RSRC1: variants seen among roughly 807,000 people sequenced by gnomAD.
RSRC1 encodes the protein arginine and serine rich coiled-coil 1.
Under a neutral mutation model 49.1 loss-of-function variants are expected in RSRC1, and 39 were observed. The observed-to-expected ratio is 0.79, with a 90% CI of 0.61 to 1.04. The LOEUF (loss-of-function observed/expected upper bound fraction) is 1.04. RSRC1 is among the 50% of genes least tolerant of loss of function. The pLI, the probability that RSRC1 is intolerant of heterozygous loss-of-function variation, is 0.00. For synonymous variants in RSRC1, 143 were observed against 130.8 expected (o/e 1.09, Z -0.63); for missense variants, 388 against 402.4 (o/e 0.96, Z 0.31).
chr3:158,461,553 T>C (rs1327065986), intron 7 of RSRC1, among the ~76,000 whole-genome samples: 1 of 151,970 alleles, frequency 6.6e-6, no homozygotes, highest in Non-Finnish European at 1.5e-5. Flanking sequence ...AATTTTTATT[T>C]TCCCCTTAAT....
At chr3:158,189,552 A>T (rs1269971258) in intron 3 of RSRC1, among the ~76,000 whole-genome samples, 1 of 151,892 alleles carries the variant, frequency 6.6e-6, no homozygotes, top group African/African-American at 2.4e-5. Flanking sequence ...ACTTTATCTG[A>T]CATTGGTATG....
chr3:158,381,264 A>T (rs1290884279), intron 6 of RSRC1, among the ~76,000 whole-genome samples: 3 of 146,976 alleles, frequency 2.0e-5, no homozygotes, highest in African/African-American at 8.3e-5. Context: ...ATTAACTGTT[A>T]TACATACTGT....
At chr3:158,439,462 C>T (rs1560043292) in intron 6 of RSRC1, among the ~76,000 whole-genome samples, 1 of 152,104 alleles carries the variant, frequency 6.6e-6, no homozygotes, top group African/African-American at 2.4e-5. Context: ...GGCACATATA[C>T]ACCATGGAAT....
chr3:158,359,438 T>G (rs1731349523), intron 6 of RSRC1, among the ~76,000 whole-genome samples: 1 of 152,202 alleles, frequency 6.6e-6, no homozygotes, highest in Non-Finnish European at 1.5e-5. Flanking sequence ...TAGATGATTC[T>G]TTGGTGTTAT....
At chr3:158,296,342 A>T (rs1294323811) in intron 4 of RSRC1, among the ~76,000 whole-genome samples, 2 of 152,026 alleles carry the variant, frequency 1.3e-5, no homozygotes, top group Non-Finnish European at 2.9e-5. Flanking sequence ...ACATACACAC[A>T]TACACACACA....
At chr3:158,258,167 A>AT (rs1724676853) in intron 4 of RSRC1, among the ~76,000 whole-genome samples, 1 of 137,530 alleles carries the variant, frequency 7.3e-6, no homozygotes, top group Non-Finnish European at 1.6e-5. Flanking sequence ...TCTTATGCTC[A>AT]TTAATGCCCT....
chr3:158,444,839 C>G (rs1213939120), intron 6 of RSRC1, among the ~76,000 whole-genome samples: 1 of 152,094 alleles, frequency 6.6e-6, no homozygotes, highest in Admixed American at 6.6e-5. Context: ...AACAAATGGG[C>G]GAAGGATATG....
At chr3:158,478,918 G>A (rs1419145594) in intron 7 of RSRC1, among the ~76,000 whole-genome samples, 16 of 131,726 alleles carry the variant, frequency 1.2e-4, no homozygotes, top group Middle Eastern at 9.3e-3. Flanking sequence ...TATATAGAAG[G>A]TTATTAACTA....
At chr3:158,334,649 TTG>T (rs71840277) in intron 5 of RSRC1, among the ~76,000 whole-genome samples, 1,688 of 137,500 alleles carry the variant, frequency 0.012, 25 homozygotes, top group African/African-American at 0.023. Flanking sequence ...CCCAGCTAAT[TTG>T]TGTGTGTGTG....
At chr3:158,265,737 T>C (rs1725136075) in intron 4 of RSRC1, among the ~76,000 whole-genome samples, 1 of 152,230 alleles carries the variant, frequency 6.6e-6, no homozygotes, top group Non-Finnish European at 1.5e-5. Context: ...GCTATTACTT[T>C]TGATAAATTG....
At chr3:158,275,987 G>A in intron 4 of RSRC1, 1 of 795,670 alleles carries the variant, frequency 1.3e-6, no homozygotes. Context: ...TGGGTGTCAG[G>A]ATTTCTTCTG....
chr3:158,122,545 A>T lies in RSRC1; in HGVS notation c.194+247A>T, dbSNP rs191365950. Among the ~76,000 whole-genome samples, 839 of 150,686 alleles carry T rather than the reference A, an allele frequency of 5.6e-3. 8 individuals carry two copies. Among genetic ancestry groups the T allele is most frequent in the African/African-American group, 0.02 (801 of 40,896 alleles). On this transcript the variant is annotated intron_variant, in intron 2 of 9. Coordinates refer to ENST00000611884, the MANE Select transcript of RSRC1 (RefSeq NM_001271838.2). The stretch of plus-strand genomic sequence containing the variant: ...TAGTTTCCTTTTTTAATTTAATTTA[A>T]TTTTTTTTCTAGTGCATTTATTTAT...
intron 6 of RSRC1, among the ~76,000 whole-genome samples, chr3:158,436,980 T>G (rs542322389): frequency 6.6e-6 from 1 of 152,068 alleles, no homozygotes; most frequent in Non-Finnish European, 1.5e-5. Flanking sequence ...CAGTCTGGCT[T>G]CAGAATCCAT....
intron 6 of RSRC1, among the ~76,000 whole-genome samples, chr3:158,379,511 T>C (rs114537122): frequency 0.018 from 2,667 of 152,194 alleles, 39 homozygotes; most frequent in Non-Finnish European, 0.024. Flanking sequence ...GAAATACCAT[T>C]AGGCCAGAAC....
chr3:158,202,635 T>C (rs1350904894), intron 3 of RSRC1, among the ~76,000 whole-genome samples: 2 of 145,610 alleles, frequency 1.4e-5, no homozygotes, highest in African/African-American at 5.2e-5. Context: ...AGTATTTTAC[T>C]GTAATGCATT....
chr3:158,249,195 A>G (rs908184408), intron 4 of RSRC1, among the ~76,000 whole-genome samples: 1 of 152,192 alleles, frequency 6.6e-6, no homozygotes, highest in Non-Finnish European at 1.5e-5. Flanking sequence ...ATGCAATTTT[A>G]TATGTTTTGA....
intron 4 of RSRC1, among the ~76,000 whole-genome samples, chr3:158,283,104 G>T (rs186288713): frequency 6.6e-6 from 1 of 152,090 alleles, no homozygotes; most frequent in African/African-American, 2.4e-5. Context: ...AAATTAGGAA[G>T]ATTCTATTTG....
chr3:158,376,696 T>C (rs1341587258), intron 6 of RSRC1, among the ~76,000 whole-genome samples: 2 of 152,230 alleles, frequency 1.3e-5, no homozygotes, highest in Non-Finnish European at 2.9e-5. Context: ...TCAAGTGTTT[T>C]GAAAGTTATT....
At chr3:158,379,766 G>A (rs372186412) in intron 6 of RSRC1, among the ~76,000 whole-genome samples, 1 of 150,144 alleles carries the variant, frequency 6.7e-6, no homozygotes, top group East Asian at 2.0e-4. Context: ...GATGTCATCT[G>A]ACTGAACTGC....
Sources: gnomAD v4.1 joint callset for allele counts (sites outside exome capture counted in the v4.1 genomes callset) on GRCh38, gnomAD v4.1.1 for gene constraint, MANE v1.5 for transcripts, NCBI Gene and HGNC (gene_info 2026-07-23, HGNC 2026-07-21) for gene names.